ASPRV1: variants seen among roughly 807,000 people sequenced by gnomAD.
ASPRV1 encodes aspartic peptidase retroviral like 1.
Under a neutral mutation model 11.0 loss-of-function variants are expected in ASPRV1, and 7 were observed. The observed-to-expected ratio is 0.64, with a 90% CI of 0.36 to 1.20. The LOEUF (loss-of-function observed/expected upper bound fraction) is 1.20. Among genes scored for constraint, ASPRV1 ranks in the 50% most tolerant of loss-of-function variants. The pLI is 0.02. For missense variants in ASPRV1, 299 were observed against 320.0 expected (o/e 0.93, Z 0.50); for synonymous variants, 136 against 138.4 (o/e 0.98, Z 0.12).
At chr2:69,937,209 CCAACA>C in the ASPRV1 span, 1 of 1,610,678 alleles carries the variant, frequency 6.2e-7, no homozygotes, top group Non-Finnish European at 8.5e-7. Context: ...CCTGTGGGGC[CCAACA>C]ACTACCCCTT....
chr2:69,963,613 C>G (rs1447273436), upstream of ASPRV1: 1 of 370,930 alleles, frequency 2.7e-6, no homozygotes, highest in African/African-American at 2.1e-5. Context: ...GCTTTTCAAA[C>G]CATAGTGGTA....
chr2:70,063,756 G>A, the ASPRV1 span: 2 of 152,188 alleles, frequency 1.3e-5, no homozygotes, highest in Non-Finnish European at 2.9e-5. Context: ...ATCCTTGTAT[G>A]TCAACTATCT....
the ASPRV1 span, among the ~76,000 whole-genome samples, chr2:69,967,926 A>G: frequency 1.3e-5 from 2 of 151,916 alleles, no homozygotes; most frequent in African/African-American, 2.4e-5. Flanking sequence ...ACTAAAAATT[A>G]CAAAAATTAG....
At chr2:69,961,657 T>C (rs780399865), upstream of ASPRV1, 4 of 1,568,816 alleles carry the variant, frequency 2.5e-6, no homozygotes, top group Admixed American at 1.8e-5. Flanking sequence ...CAGAGCCTTT[T>C]TGATGCCTAG....
At chr2:70,061,098 T>G in the ASPRV1 span, among the ~76,000 whole-genome samples, 1 of 151,174 alleles carries the variant, frequency 6.6e-6, no homozygotes, top group Non-Finnish European at 1.5e-5. Context: ...TACTTGACAA[T>G]TAAAGGCAAA....
the ASPRV1 span, among the ~76,000 whole-genome samples, chr2:69,933,022 A>G: frequency 6.6e-6 from 1 of 151,998 alleles, no homozygotes; most frequent in Non-Finnish European, 1.5e-5. Context: ...AACATGGTGA[A>G]ACCCCATCTC....
chr2:69,961,799 C>A, upstream of ASPRV1: 1 of 1,220,250 alleles, frequency 8.2e-7, no homozygotes, highest in Non-Finnish European at 1.2e-6. Flanking sequence ...GGACCAACAC[C>A]AGCCAGCCCA....
At chr2:69,992,409 C>G in the ASPRV1 span, among the ~76,000 whole-genome samples, 109 of 152,324 alleles carry the variant, frequency 7.2e-4, no homozygotes, top group African/African-American at 2.6e-3. Context: ...CATGGTATAT[C>G]ACAGCCAAGG....
the ASPRV1 span, among the ~76,000 whole-genome samples, chr2:70,062,907 A>G: frequency 9.2e-5 from 14 of 152,280 alleles, no homozygotes; most frequent in African/African-American, 2.9e-4. Context: ...GGAGCAAGCA[A>G]AGACAGTTAG....
At chr2:70,003,340 G>C in the ASPRV1 span, 3 of 152,262 alleles carry the variant, frequency 2.0e-5, no homozygotes, top group African/African-American at 7.2e-5. Flanking sequence ...GATCATAGAG[G>C]ACCTGCCTCA....
chr2:70,020,974 C>G, the ASPRV1 span, among the ~76,000 whole-genome samples: 5 of 152,158 alleles, frequency 3.3e-5, 1 homozygote, highest in Admixed American at 1.3e-4. Context: ...TACTACTGAA[C>G]AGTATACTTA....
chr2:69,973,895 G>A, the ASPRV1 span, among the ~76,000 whole-genome samples: 1 of 152,200 alleles, frequency 6.6e-6, no homozygotes, highest in East Asian at 1.9e-4. Flanking sequence ...CTTCTGTGGT[G>A]TAAATATTCC....
At chr2:69,976,884 G>A in the ASPRV1 span, among the ~76,000 whole-genome samples, 57 of 152,170 alleles carry the variant, frequency 3.7e-4, no homozygotes, top group Admixed American at 3.3e-3. Context: ...CTCATACACC[G>A]AGGAGACACA....
At chr2:70,038,670 G>A in the ASPRV1 span, among the ~76,000 whole-genome samples, 1 of 152,238 alleles carries the variant, frequency 6.6e-6, no homozygotes, top group East Asian at 1.9e-4. Flanking sequence ...GTGATTTTAG[G>A]AGGAAGAGTT....
At chr2:69,954,307 C>T in the ASPRV1 span, among the ~76,000 whole-genome samples, 1 of 152,208 alleles carries the variant, frequency 6.6e-6, no homozygotes, top group Non-Finnish European at 1.5e-5. Flanking sequence ...CTTTGCAGCA[C>T]TGCCCACTAG....
chr2:70,075,778 G>A, the ASPRV1 span, among the ~76,000 whole-genome samples: 1 of 152,132 alleles, frequency 6.6e-6, no homozygotes, highest in Non-Finnish European at 1.5e-5. Flanking sequence ...GAACCCGGGA[G>A]GCGGAGGTTG....
At position 69,960,927 on chromosome 2, in the gene ASPRV1, C is replaced by G. The variant is rs372410120; in HGVS notation, c.510G>C (p.Leu170=). The change falls in exon 1 of 1, where the codon CTG becomes CTC. Residue 170 remains leucine (L), a synonymous_variant. Transcript: ENST00000320256. ...GGGACACCGCTGTATCCCAGACACC[C>G]AGGATCTTCATTTCAGCACCATTGG... is the stretch of plus-strand genomic sequence containing the variant. ...KVANGAEMKI[L]GVWDTAVSLG... 5.6e-6 allele frequency: 9 copies of G among 1,614,092 alleles called. No homozygotes were observed. The highest frequency in any genetic ancestry group is 1.6e-4 in the Middle Eastern group (1 of 6,062).
At chr2:70,080,964 G>GC in the ASPRV1 span, 12 of 152,064 alleles carry the variant, frequency 7.9e-5, no homozygotes, top group Non-Finnish European at 1.6e-4. Flanking sequence ...AGACACAGGG[G>GC]CTCCCTATGT....
the ASPRV1 span, among the ~76,000 whole-genome samples, chr2:69,980,390 A>G: frequency 2.0e-5 from 3 of 152,252 alleles, no homozygotes; most frequent in African/African-American, 7.2e-5. Flanking sequence ...TTAAGTTGGC[A>G]AAGTCTTTTT....
Sources: gnomAD v4.1 joint callset for allele counts (sites outside exome capture counted in the v4.1 genomes callset) on GRCh38, gnomAD v4.1.1 for gene constraint, MANE v1.5 for transcripts, NCBI Gene and HGNC (gene_info 2026-07-23, HGNC 2026-07-21) for gene names.